Variants in INF2 observed in about 807,000 individuals in gnomAD.
INF2 encodes the protein inverted formin-2.
A neutral mutation model predicts 123.5 loss-of-function variants in INF2; 43 were observed. The observed-to-expected ratio is 0.35, with a 90% CI of 0.27 to 0.45. The LOEUF (loss-of-function observed/expected upper bound fraction) is 0.45, where lower values mean the gene tolerates loss of function less well. INF2 is among the 20% of genes least tolerant of loss of function. The pLI, the probability that INF2 is intolerant of heterozygous loss-of-function variation, is 1.00. For missense variants in INF2, 1,453 were observed against 1,682.7 expected (o/e 0.86, Z 2.39); for synonymous variants, 851 against 745.0 (o/e 1.14, Z -2.32).
chr14:104,714,199 C>T lies in INF2; in HGVS notation c.3041-4C>T, dbSNP rs945997134. On this transcript the variant is annotated splice_region_variant and splice_polypyrimidine_tract_variant and intron_variant, in intron 20 of 22. Transcript: ENST00000392634. ...GCCCTTCACTGGTGTGTCCCTCCATCCAGTGGCCACCAGTAACCCTGCAGG... is the reference window on the plus strand; with the variant it reads ...GCCCTTCACTGGTGTGTCCCTCCATTCAGTGGCCACCAGTAACCCTGCAGG... 1.2e-5 allele frequency: 18 copies of T among 1,514,200 alleles called. No homozygotes were observed. Among genetic ancestry groups the T allele is most frequent in the Non-Finnish European group, 1.5e-5 (17 of 1,132,014 alleles). 93.8% of individuals were successfully genotyped at this position (1,514,200 alleles called of 1,614,324 possible).
rs754734788 is a variant in INF2 at position 104,712,222 on chromosome 14, G to A, written c.2490-211G>A. 2.6e-5 allele frequency among the ~76,000 whole-genome samples: 4 copies of A among 152,294 alleles called. No individual in the cohort carries two copies. In the East Asian group the frequency reaches 7.8e-4, roughly 30 times the overall value. On this transcript the variant is annotated intron_variant, in intron 16 of 22. Coordinates refer to ENST00000392634, the MANE Select transcript of INF2 (RefSeq NM_022489.4). ...TGGGGAGAACTAGGCAAGCAGGACA[G>A]GCTGACCGTTAGGGTCCCCGCCCAG...
Position 104,703,926 on chromosome 14 carries a change from G to T in INF2, c.678G>T (p.Leu226=). ...TCCGTCCCTTCCCAGGGCTGCAGCT[G>T]CTGGACGTCCTGGCTCGCCTGCGGT... ...QLRNEFIGLQ[L]LDVLARLRDL... Residue 226 remains leucine, a synonymous_variant, in exon 5 of 23, where the codon CTG becomes CTT. Coordinates refer to ENST00000392634, the MANE Select transcript of INF2 (RefSeq NM_022489.4). 1 of 1,611,106 alleles carries T rather than the reference G, an allele frequency of 6.2e-7. No homozygotes were observed.
chr14:104,681,498 C>CG, exon 1 of INF2: 2 of 1,145,906 alleles, frequency 1.7e-6, no homozygotes, highest in Non-Finnish European at 1.2e-6. Flanking sequence ...TACCGGCACA[C>CG]GGGCACCAGC....
chr14:104,702,140 A>G (rs1166042166), intron 2 of INF2, among the ~76,000 whole-genome samples: 1 of 152,010 alleles, frequency 6.6e-6, no homozygotes, highest in Non-Finnish European at 1.5e-5. Flanking sequence ...GTGGCTCCCT[A>G]CATACACCTG....
chr14:104,710,099 G>T lies in INF2; in HGVS notation c.2150G>T (p.Arg717Leu). 1 of 1,551,602 alleles carries T rather than the reference G, an allele frequency of 6.4e-7. No individual in the cohort carries two copies. Among genetic ancestry groups the T allele is most frequent in the South Asian group, 1.2e-5 (1 of 84,132 alleles). The change falls in exon 13 of 23, where the codon CGA becomes CTA. Residue 717 changes from arginine to leucine, a missense_variant. Around this residue, in one of 8 missense-constraint regions of INF2, gnomAD observed 192 missense variants for 274.4 expected, o/e 0.70. Transcript: ENST00000392634. ...LLLAIPCYQLRIECMLLCEGA... is the reference protein window; with the variant it reads ...LLLAIPCYQLLIECMLLCEGA... ...TGTGCCATCCCCAGCTACCAGCTGC[G>T]AATCGAGTGCATGCTGCTGTGTGAG...
At chr14:104,689,590 T>TGCCCCCCCCCCCCCCCCCC, upstream of INF2, 1 of 646,936 alleles carries the variant, frequency 1.5e-6, no homozygotes, top group Non-Finnish European at 1.9e-6. Context: ...CTCCTCTTCC[T>TGCCCCCCCCCCCCCCCCCC]CCCGCCCGCC....
At chr14:104,707,232 C>A (rs199940746) in intron 7 of INF2, 21 bp from the exon 8 acceptor site, 2 of 1,599,824 alleles carry the variant, frequency 1.3e-6, no homozygotes, top group African/African-American at 2.7e-5. Context: ...CTCCCTTGAC[C>A]CTGGACATCC....
Position 104,711,162 on chromosome 14 carries a change from G to A in INF2, c.2394G>A (p.Val798=). The change falls in exon 15 of 23, where the codon GTG becomes GTA. Residue 798 remains valine (V), a synonymous_variant. Coordinates refer to ENST00000392634, the MANE Select transcript of INF2 (RefSeq NM_022489.4). ...AGACCAAGTCCCAGCAGAACCGCGTGACGCTGCTGCACCACGTGCTGGAGG... is the reference window on the plus strand; with the variant it reads ...AGACCAAGTCCCAGCAGAACCGCGTAACGCTGCTGCACCACGTGCTGGAGG... ...LTETKSQQNR[V]TLLHHVLEEA... The A allele has an allele frequency of 1.3e-6, 2 of 1,566,806 alleles. No homozygotes were observed. Among genetic ancestry groups the A allele is most frequent in the Non-Finnish European group, 1.7e-6 (2 of 1,156,832 alleles).
At chr14:104,682,221 C>A (rs1374727733) in intron 1 of INF2, among the ~76,000 whole-genome samples, 2 of 152,118 alleles carry the variant, frequency 1.3e-5, no homozygotes, top group African/African-American at 4.8e-5. Flanking sequence ...AAGATGCAGG[C>A]AGGAGGCAGC....
chr14:104,686,640 G>A (rs1217799045), upstream of INF2, among the ~76,000 whole-genome samples: 5 of 151,594 alleles, frequency 3.3e-5, no homozygotes, highest in Non-Finnish European at 5.9e-5. Flanking sequence ...AATCTCAAAA[G>A]GGGAAAAAAG....
chr14:104,716,122 C>T (rs1026336411), intron 22 of INF2: 22 of 360,562 alleles, frequency 6.1e-5, no homozygotes, highest in African/African-American at 4.3e-4. Context: ...CCAGCCCGGC[C>T]GATCATGAGC....
At chr14:104,709,107 G>A (rs1040732236) in intron 10 of INF2, among the ~76,000 whole-genome samples, 174 bp from the exon 11 acceptor site, 9 of 152,132 alleles carry the variant, frequency 5.9e-5, no homozygotes, top group African/African-American at 1.7e-4. Flanking sequence ...GTGGGAGTCA[G>A]CCTGGGTCCC....
rs79492888 is a variant in INF2, at chr14:104,708,774, C to T, written c.1949+42C>T. On this transcript the variant is annotated intron_variant, in intron 10 of 22. Transcript: ENST00000392634. Reference sequence around the variant, plus strand: ...GCCCCCATCCCAGGCCACGGAGCCTCGCCTCCACCTGAGCCTTCTGACTTG... The same window carrying T: ...GCCCCCATCCCAGGCCACGGAGCCTTGCCTCCACCTGAGCCTTCTGACTTG... The T allele has an allele frequency of 1.5e-3, 2,348 of 1,596,796 alleles. 24 individuals are homozygous for T. In the African/African-American group the frequency reaches 0.023, roughly 16 times the overall value.
intron 9 of INF2, 27 bp downstream of exon 9, chr14:104,708,614 G>A (rs751689383): frequency 2.2e-5 from 35 of 1,612,550 alleles, no homozygotes; most frequent in African/African-American, 9.3e-5. Flanking sequence ...GACTCAGACC[G>A]GGGCCGCCTG....
chr14:104,717,295 T>A (rs867194463), intron 22 of INF2, among the ~76,000 whole-genome samples: 18 of 92,144 alleles, frequency 2.0e-4, no homozygotes, highest in Non-Finnish European at 2.4e-4. Context: ...GTCCTCCCAG[T>A]CCCCCCCCCG....
intron 7 of INF2, 56 bp from the exon 8 acceptor site, chr14:104,707,197 C>T: frequency 1.9e-6 from 3 of 1,551,888 alleles, no homozygotes; most frequent in Middle Eastern, 3.4e-4. Context: ...CCTCAAGCCC[C>T]CATCCCTCCC....
At position 104,684,153 on chromosome 14, in the gene INF2, C is replaced by G. The variant is rs1452399867; in HGVS notation, c.-104+2571C>G. The stretch of plus-strand genomic sequence containing the variant: ...GCGGCTCTCCCCATCATGCAAGTAA[C>G]CTGCGTGCCGCCACGGGAAACAGCA... On this transcript the variant is annotated intron_variant, in intron 1 of 2. Transcript: ENST00000674723. This position sits in a 1 kb window ranked among gnomAD's most constrained non-coding sequence, Gnocchi z 5.0. 2 of 455,862 alleles carry G rather than the reference C, an allele frequency of 4.4e-6. No homozygotes were observed. The highest frequency in any genetic ancestry group is 8.8e-6 in the Non-Finnish European group (2 of 226,662). 28.2% of individuals were successfully genotyped at this position (455,862 alleles called of 1,614,324 possible). A position where few individuals can be genotyped will look rare whatever the true frequency, so the allele number is the denominator to read the frequency against.
chr14:104,712,820 G>A lies in INF2; in HGVS notation c.2611-8G>A, dbSNP rs1224015604. ...TCTCACGGGACTGTCACGTGCCCTT[G>A]CCCCCAGGCCAGCATCTCGGCCTTC... On this transcript the variant is annotated splice_polypyrimidine_tract_variant and splice_region_variant and intron_variant, in intron 17 of 22. Coordinates refer to ENST00000392634, the MANE Select transcript of INF2 (RefSeq NM_022489.4). 1.9e-6 allele frequency: 3 copies of A among 1,605,620 alleles called. No homozygotes were observed. The highest frequency in any genetic ancestry group is 2.7e-5 in the African/African-American group (2 of 74,802).
intron 5 of INF2, chr14:104,704,157 CTA>C (rs1242621696): frequency 5.6e-5 from 81 of 1,444,320 alleles, no homozygotes; most frequent in Non-Finnish European, 2.2e-5. Flanking sequence ...CCCACAGAAA[CTA>C]GGGTTGCAGC....
Sources: gnomAD v4.1 joint callset for allele counts (sites outside exome capture counted in the v4.1 genomes callset) on GRCh38, gnomAD v4.1.1 for gene constraint, gnomAD v4.1.1 regional missense constraint, Gnocchi (gnomAD v3.1) non-coding constraint, MANE v1.5 for transcripts, NCBI Gene and HGNC (gene_info 2026-07-23, HGNC 2026-07-21) for gene names.